The following STEAP1B variants were observed in gnomAD, a reference collection of about 807,000 sequenced individuals.
The protein encoded by STEAP1B is STEAP family protein MGC87042.
In STEAP1B, 13 loss-of-function variants were observed where a neutral mutation model predicts 27.9. The observed-to-expected ratio is 0.47, with a 90% confidence interval of 0.30 to 0.74. The LOEUF is 0.74. Among genes scored for constraint, STEAP1B ranks in the 30% least tolerant of loss-of-function variants. STEAP1B has a pLI of 0.06. For missense variants in STEAP1B, 250 were observed against 298.7 expected (o/e 0.84, Z 1.20); for synonymous variants, 86 against 107.1 (o/e 0.80, Z 1.22).
In STEAP1B at chr7:22,422,076, T is replaced by G. The variant is rs17146858; in HGVS notation, c.763-2240A>C. On this transcript the variant is annotated intron_variant, in intron 4 of 4. Transcript: ENST00000678116. ...CTTTAATGATGTTACCATTGAAGATTATTCTCTTATTCAACTGTGTTACCA... is the reference window on the plus strand; with the variant it reads ...CTTTAATGATGTTACCATTGAAGATGATTCTCTTATTCAACTGTGTTACCA... Among the ~76,000 whole-genome samples, 1,017 of 152,394 alleles carry G rather than the reference T, an allele frequency of 6.7e-3. 9 individuals carry two copies. Among genetic ancestry groups the G allele is most frequent in the African/African-American group, 0.023 (974 of 41,594 alleles).
chr7:22,483,777 T>C (rs527430361), intron 4 of STEAP1B, among the ~76,000 whole-genome samples: 1 of 152,290 alleles, frequency 6.6e-6, no homozygotes, highest in Non-Finnish European at 1.5e-5. Flanking sequence ...GATCTTGGAA[T>C]AGGGAGAGGC....
intron 1 of STEAP1B, among the ~76,000 whole-genome samples, chr7:22,496,526 G>A (rs1786444504): frequency 6.6e-6 from 1 of 152,122 alleles, no homozygotes; most frequent in East Asian, 1.9e-4. Flanking sequence ...CATAGCAAGC[G>A]TCCTGTACAA....
rs113057275 is a variant in STEAP1B, at chr7:22,427,908, A to T, written c.763-8072T>A. Among the ~76,000 whole-genome samples, 1,479 of 152,332 alleles carry T rather than the reference A, an allele frequency of 9.7e-3. 22 individuals are homozygous for T. The highest frequency in any genetic ancestry group is 0.033 in the African/African-American group (1,374 of 41,576). On this transcript the variant is annotated intron_variant, in intron 4 of 4. Coordinates refer to ENST00000678116, the MANE Select transcript of STEAP1B (RefSeq NM_001382447.1). ...CAAATGATTTGAAAGAAAGCCATGC[A>T]TGTTACTGCAAATCTGGCTCTAAGG...
At chr7:22,448,844 G>A (rs1785444779) in intron 4 of STEAP1B, among the ~76,000 whole-genome samples, 1 of 152,202 alleles carries the variant, frequency 6.6e-6, no homozygotes, top group Non-Finnish European at 1.5e-5. Flanking sequence ...CTGGAAGGCT[G>A]CTTCCCTGGG....
chr7:22,472,719 T>A (rs1442920150), intron 4 of STEAP1B, among the ~76,000 whole-genome samples: 1 of 151,942 alleles, frequency 6.6e-6, no homozygotes, highest in African/African-American at 2.4e-5. Context: ...CCTGTCCAGA[T>A]CTTTCTGCAC....
chr7:22,478,360 C>T (rs1217840344), intron 4 of STEAP1B, among the ~76,000 whole-genome samples: 1 of 152,228 alleles, frequency 6.6e-6, no homozygotes, highest in Non-Finnish European at 1.5e-5. Flanking sequence ...CCTCAGCCTA[C>T]CGCTCCAAGA....
chr7:22,428,061 G>T (rs1785130957), intron 4 of STEAP1B, among the ~76,000 whole-genome samples: 1 of 152,314 alleles, frequency 6.6e-6, no homozygotes, highest in East Asian at 1.9e-4. Context: ...CCAGAATTGA[G>T]GCAAGAACTG....
At chr7:22,463,300 A>G (rs1356570781) in intron 4 of STEAP1B, among the ~76,000 whole-genome samples, 1 of 152,004 alleles carries the variant, frequency 6.6e-6, no homozygotes, top group Admixed American at 6.6e-5. Flanking sequence ...TCAAGGAAAT[A>G]AAAGAGGATA....
chr7:22,484,989 G>A (rs975600262), intron 4 of STEAP1B, among the ~76,000 whole-genome samples: 1 of 152,248 alleles, frequency 6.6e-6, no homozygotes, highest in African/African-American at 2.4e-5. Flanking sequence ...ACTTGAACAA[G>A]TGAGGAGTTG....
At chr7:22,423,644 T>G (rs1053305889) in intron 4 of STEAP1B, among the ~76,000 whole-genome samples, 9 of 152,154 alleles carry the variant, frequency 5.9e-5, no homozygotes, top group Admixed American at 2.0e-4. Context: ...AGCATGAGGT[T>G]TTTTTGGAAG....
At chr7:22,468,677 T>C (rs568362888) in intron 4 of STEAP1B, among the ~76,000 whole-genome samples, 2 of 152,168 alleles carry the variant, frequency 1.3e-5, no homozygotes, top group African/African-American at 4.8e-5. Context: ...GGAAATTATT[T>C]GTATACCTGA....
intron 4 of STEAP1B, among the ~76,000 whole-genome samples, chr7:22,483,538 T>A (rs996350894): frequency 1.3e-5 from 2 of 152,216 alleles, no homozygotes; most frequent in Non-Finnish European, 2.9e-5. Flanking sequence ...GTCAAGCAAG[T>A]CTATTAGTGT....
At chr7:22,465,409 C>T (rs2128409178) in intron 4 of STEAP1B, among the ~76,000 whole-genome samples, 1 of 152,242 alleles carries the variant, frequency 6.6e-6, no homozygotes. Flanking sequence ...TATGCAGCCA[C>T]TTTTGGAGTA....
chr7:22,474,653 T>C (rs1426666303), intron 4 of STEAP1B, among the ~76,000 whole-genome samples: 1 of 152,262 alleles, frequency 6.6e-6, no homozygotes, highest in Non-Finnish European at 1.5e-5. Context: ...GTTGATGGGC[T>C]TCTGTCTTGG....
At chr7:22,481,860 T>C (rs967471297) in intron 4 of STEAP1B, among the ~76,000 whole-genome samples, 1 of 152,234 alleles carries the variant, frequency 6.6e-6, no homozygotes, top group Non-Finnish European at 1.5e-5. Context: ...TGAGGTAACA[T>C]TAGCAGCGGT....
chr7:22,472,989 T>C lies in STEAP1B; in HGVS notation c.762+19576A>G, dbSNP rs188585260. Among the ~76,000 whole-genome samples, 34 of 152,350 alleles carry C rather than the reference T, an allele frequency of 2.2e-4. No individual in the cohort carries two copies. In the East Asian group the frequency reaches 6.4e-3, roughly 29 times the overall value. On this transcript the variant is annotated intron_variant, in intron 4 of 4. Transcript: ENST00000678116. ...TGCTCTAAGAGCACCCTCTGCATACTGTAGTGCCTATGCCTAGTGCTGCTG... is the reference window on the plus strand; with the variant it reads ...TGCTCTAAGAGCACCCTCTGCATACCGTAGTGCCTATGCCTAGTGCTGCTG...
chr7:22,487,804 CAAAAAAAAAA>C (rs200447382), intron 4 of STEAP1B, among the ~76,000 whole-genome samples: 24 of 81,382 alleles, frequency 2.9e-4, no homozygotes, highest in African/African-American at 1.1e-3. Flanking sequence ...AAACTCCACC[CAAAAAAAAAA>C]AAAAAAAAGA....
intron 4 of STEAP1B, among the ~76,000 whole-genome samples, chr7:22,453,973 G>A (rs573348098): frequency 3.3e-5 from 5 of 152,232 alleles, no homozygotes; most frequent in African/African-American, 1.2e-4. Context: ...TTCTAGTTTG[G>A]GGCTATTATG....
intron 4 of STEAP1B, among the ~76,000 whole-genome samples, chr7:22,449,390 T>C (rs1785452821): frequency 2.0e-5 from 3 of 152,248 alleles, no homozygotes; most frequent in Non-Finnish European, 4.4e-5. Flanking sequence ...AGTGAGAACA[T>C]GCAATGTTTA....
Sources: gnomAD v4.1 joint callset for allele counts (sites outside exome capture counted in the v4.1 genomes callset) on GRCh38, gnomAD v4.1.1 for gene constraint, MANE v1.5 for transcripts, NCBI Gene and HGNC (gene_info 2026-07-23, HGNC 2026-07-21) for gene names.